Variants in ZFAND3 observed in about 807,000 individuals in gnomAD.
ZFAND3 encodes AN1-type zinc finger protein 3.
In ZFAND3, 10 loss-of-function variants were observed where a neutral mutation model predicts 29.6. That is an observed-to-expected ratio of 0.34 (90% CI 0.21 to 0.57). The LOEUF (loss-of-function observed/expected upper bound fraction) is 0.57. Ranked by LOEUF, ZFAND3 falls within the 20% of genes least tolerant of loss-of-function variation. The probability of loss-of-function intolerance (pLI) is 0.86; values close to 1 mark genes in which losing one functional copy is unlikely to be tolerated. For missense variants in ZFAND3, 230 were observed against 304.5 expected (o/e 0.76, Z 1.82); for synonymous variants, 128 against 112.6 (o/e 1.14, Z -0.87).
intron 1 of ZFAND3, among the ~76,000 whole-genome samples, chr6:37,912,472 G>C (rs1241445663): frequency 6.6e-6 from 1 of 152,146 alleles, no homozygotes; most frequent in Non-Finnish European, 1.5e-5. Context: ...GTTGAAATTT[G>C]GTATGGGAGT....
At chr6:37,988,022 T>G (rs1762699355) in intron 2 of ZFAND3, among the ~76,000 whole-genome samples, 1 of 152,254 alleles carries the variant, frequency 6.6e-6, no homozygotes, top group Non-Finnish European at 1.5e-5. Flanking sequence ...AAGCATGCTT[T>G]AAAAACTGCT....
intron 2 of ZFAND3, among the ~76,000 whole-genome samples, chr6:38,009,271 G>A (rs1763104137): frequency 1.3e-5 from 2 of 152,176 alleles, no homozygotes; most frequent in Admixed American, 6.5e-5. Flanking sequence ...TTTTGTGGAA[G>A]GGGAGAAAAT....
At chr6:37,995,903 T>TA (rs1762841282) in intron 2 of ZFAND3, among the ~76,000 whole-genome samples, 1 of 151,924 alleles carries the variant, frequency 6.6e-6, no homozygotes, top group African/African-American at 2.4e-5. Flanking sequence ...GAGGCAGGTG[T>TA]ATCACTTGAG....
In ZFAND3 at chr6:38,153,034, G is replaced by C; in HGVS notation, c.*645G>C. The C allele has an allele frequency of 1.0e-6, 1 of 985,790 alleles. No homozygotes were observed. Among genetic ancestry groups the C allele is most frequent in the African/African-American group, 1.7e-5 (1 of 57,354 alleles). The allele number at this position is 985,790 out of a possible 1,614,324, so 61.1% of individuals were successfully genotyped here. A position where few individuals can be genotyped will look rare whatever the true frequency, so the allele number is the denominator to read the frequency against. On this transcript the variant is annotated 3_prime_UTR_variant, in exon 6 of 6. Transcript: ENST00000287218. ...AACTCATCACACAAGAAGAGAAACA[G>C]TAACCTCACTTTGAAAATTAGCTCC... is the stretch of plus-strand genomic sequence containing the variant.
intron 4 of ZFAND3, among the ~76,000 whole-genome samples, chr6:38,109,836 C>A (rs906686504): frequency 9.2e-5 from 14 of 152,260 alleles, no homozygotes; most frequent in Non-Finnish European, 1.9e-4. Flanking sequence ...TTCTGCGTTG[C>A]TATCCGGAGG....
chr6:37,890,184 AT>A lies in ZFAND3; in HGVS notation c.72-39773del, dbSNP rs1264429218. Among the ~76,000 whole-genome samples, 5 of 152,368 alleles carry A rather than the reference AT, an allele frequency of 3.3e-5. No individual in the cohort carries two copies. In the East Asian group the frequency reaches 7.7e-4, roughly 23 times the overall value. On this transcript the variant is annotated intron_variant, in intron 1 of 5. Transcript: ENST00000287218. ...CATTGCTTTGCTGGAATATTCTGAA[AT>A]TAACAATTTTGAATAAGTTTATACA...
chr6:37,820,047 CG>C (rs1554145536), intron 1 of ZFAND3, 31 bp downstream of exon 1: 4 of 417,546 alleles, frequency 9.6e-6, no homozygotes, highest in Non-Finnish European at 1.4e-5. Context: ...GGGCGGGGGG[CG>C]GGGGCCGGGG....
At chr6:38,112,699 C>T (rs895010045) in intron 4 of ZFAND3, among the ~76,000 whole-genome samples, 3 of 152,048 alleles carry the variant, frequency 2.0e-5, no homozygotes, top group African/African-American at 7.2e-5. Context: ...TTCTAATTGA[C>T]ATAAAACTTA....
At position 38,135,998 on chromosome 6, in the gene ZFAND3, G is replaced by A. The variant is rs996225787; in HGVS notation, c.530-16237G>A. 1.2e-4 allele frequency among the ~76,000 whole-genome samples: 18 copies of A among 152,116 alleles called. 1 individual carries two copies. The highest frequency in any genetic ancestry group is 4.1e-4 in the African/African-American group (17 of 41,412). ...ACAAGTAAAAAGAAATCCATGTGTTGGAGAGAAAAGAGACACAGTAGAGAA... is the reference window on the plus strand; with the variant it reads ...ACAAGTAAAAAGAAATCCATGTGTTAGAGAGAAAAGAGACACAGTAGAGAA... On this transcript the variant is annotated intron_variant, in intron 5 of 5. Coordinates refer to ENST00000287218, the MANE Select transcript of ZFAND3 (RefSeq NM_021943.3).
At chr6:38,138,737 C>T (rs912272384) in intron 5 of ZFAND3, among the ~76,000 whole-genome samples, 1 of 152,202 alleles carries the variant, frequency 6.6e-6, no homozygotes, top group Non-Finnish European at 1.5e-5. Flanking sequence ...TTGACTTGAA[C>T]AGCAGCTGGG....
chr6:38,046,272 G>A (rs2842505), intron 2 of ZFAND3, among the ~76,000 whole-genome samples: 70,685 of 151,974 alleles, frequency 0.47, 17,127 homozygotes, highest in Non-Finnish European at 0.53. Context: ...GGGAGTTGTC[G>A]TCTACATAGA....
At chr6:37,989,996 T>G (rs1288590371) in intron 2 of ZFAND3, among the ~76,000 whole-genome samples, 1 of 152,128 alleles carries the variant, frequency 6.6e-6, no homozygotes, top group Non-Finnish European at 1.5e-5. Context: ...GTCTCATGCT[T>G]CTTATATTTA....
At chr6:37,856,989 A>C (rs1175457576) in intron 1 of ZFAND3, among the ~76,000 whole-genome samples, 1 of 151,770 alleles carries the variant, frequency 6.6e-6, no homozygotes, top group African/African-American at 2.4e-5. Context: ...TGTTACCCAG[A>C]CTGGAGTGCA....
chr6:37,886,441 G>A (rs936698238), intron 1 of ZFAND3, among the ~76,000 whole-genome samples: 4 of 152,060 alleles, frequency 2.6e-5, no homozygotes, highest in South Asian at 4.1e-4. Context: ...ATTTAGATTT[G>A]ATTTGTTAGA....
intron 2 of ZFAND3, among the ~76,000 whole-genome samples, chr6:37,991,832 C>G (rs959783705): frequency 3.9e-5 from 6 of 152,188 alleles, no homozygotes; most frequent in African/African-American, 1.4e-4. Context: ...GTTTTTTAAT[C>G]TTTTAGCTTT....
chr6:37,947,797 C>T (rs1452064071), intron 2 of ZFAND3, among the ~76,000 whole-genome samples: 1 of 152,036 alleles, frequency 6.6e-6, no homozygotes, highest in Non-Finnish European at 1.5e-5. Context: ...TCTCCTATTC[C>T]CCCCAACATA....
chr6:38,122,353 C>T (rs1237799327), intron 5 of ZFAND3, among the ~76,000 whole-genome samples: 3 of 152,096 alleles, frequency 2.0e-5, no homozygotes, highest in African/African-American at 7.2e-5. Flanking sequence ...GGAATAATGA[C>T]AAAAAGAAAA....
chr6:38,138,198 A>G (rs1047886964), intron 5 of ZFAND3, among the ~76,000 whole-genome samples: 1 of 152,146 alleles, frequency 6.6e-6, no homozygotes, highest in Non-Finnish European at 1.5e-5. Context: ...AGAGAAACAC[A>G]TGCTTGTGTA....
chr6:37,861,683 T>A (rs189361040), intron 1 of ZFAND3, among the ~76,000 whole-genome samples: 11 of 152,334 alleles, frequency 7.2e-5, no homozygotes, highest in Admixed American at 7.2e-4. Context: ...TATATCTGGC[T>A]GCAAATAAGT....
Sources: allele counts gnomAD v4.1 joint callset (sites outside exome capture counted in the v4.1 genomes callset), GRCh38; gene constraint gnomAD v4.1.1; transcripts MANE v1.5; gene names NCBI Gene and HGNC (gene_info 2026-07-23, HGNC 2026-07-21).